GLIS3: variants seen among roughly 807,000 people sequenced by gnomAD.
GLIS3 encodes the protein GLIS family zinc finger 3.
GLIS3 carries 53 observed loss-of-function variants against 78.6 expected under a neutral mutation model. That is an observed-to-expected ratio of 0.67 (90% confidence interval 0.54 to 0.85). The LOEUF is 0.85. GLIS3 is among the 40% of genes least tolerant of loss of function. The pLI, the probability that GLIS3 is intolerant of heterozygous loss-of-function variation, is 0.00. For missense variants in GLIS3, 1,703 were observed against 1,231.1 expected (o/e 1.38, Z -5.74); for synonymous variants, 684 against 509.9 (o/e 1.34, Z -4.60).
chr9:4,389,232 G>C, the GLIS3 span, among the ~76,000 whole-genome samples: 1 of 152,204 alleles, frequency 6.6e-6, no homozygotes, highest in African/African-American at 2.4e-5. Flanking sequence ...AAAGGATAGA[G>C]ATGAGATTCA....
At chr9:4,283,473 C>T (rs140830720) in intron 2 of GLIS3, among the ~76,000 whole-genome samples, 1 of 152,092 alleles carries the variant, frequency 6.6e-6, no homozygotes, top group African/African-American at 2.4e-5. Context: ...ACCATCTTGG[C>T]CAGGCTGGCT....
intron 2 of GLIS3, among the ~76,000 whole-genome samples, chr9:4,338,383 C>CACAT (rs1817785692): frequency 7.9e-6 from 1 of 125,880 alleles, no homozygotes. Context: ...CACACACACA[C>CACAT]ACACATACAC....
rs138700917 is a variant in GLIS3, at chr9:3,829,336, G to T, written c.2630C>A (p.Ala877Asp). The T allele has an allele frequency of 3.7e-6, 6 of 1,614,034 alleles. No homozygotes were observed. Among genetic ancestry groups the T allele is most frequent in the South Asian group, 1.1e-5 (1 of 91,074 alleles). The change falls in exon 10 of 11, where the codon GCC (alanine) becomes GAC (aspartate). Residue 877 changes from alanine to aspartate, a missense_variant. Physicochemically the swap from Ala to Asp is moderately radical, Grantham distance 126 (BLOSUM62 -2). Transcript: ENST00000381971. The part of the protein sequence containing the change: ...GQASFDVFHR[A>D]FSTHSGITVY... ...TGTAATGCCCGAGTGAGTCGAGAAG[G>T]CTCTGTGGAAAACATCAAAACTGGC...
chr9:4,136,765 G>C (rs912672359), intron 2 of GLIS3, among the ~76,000 whole-genome samples: 1 of 152,294 alleles, frequency 6.6e-6, no homozygotes, highest in East Asian at 1.9e-4. Flanking sequence ...AGGAGAAAGG[G>C]AGAAGACAGA....
chr9:4,239,897 G>T (rs1484263156), intron 2 of GLIS3, among the ~76,000 whole-genome samples: 1 of 152,156 alleles, frequency 6.6e-6, no homozygotes, highest in Non-Finnish European at 1.5e-5. Flanking sequence ...TGTATCATTA[G>T]ACCTTTACAG....
At chr9:3,934,986 TAGAG>T (rs1825812712) in intron 5 of GLIS3, among the ~76,000 whole-genome samples, 1 of 152,018 alleles carries the variant, frequency 6.6e-6, no homozygotes, top group Non-Finnish European at 1.5e-5. Flanking sequence ...AAGATGCTAA[TAGAG>T]AGATTAATTA....
intron 2 of GLIS3, among the ~76,000 whole-genome samples, chr9:4,250,071 C>G (rs10974410): frequency 6.6e-6 from 1 of 151,856 alleles, no homozygotes; most frequent in Admixed American, 6.6e-5. Flanking sequence ...GATATTGGCC[C>G]GAAATTTTCT....
At chr9:4,333,714 G>C (rs1025333127) in intron 2 of GLIS3, among the ~76,000 whole-genome samples, 3 of 151,840 alleles carry the variant, frequency 2.0e-5, no homozygotes, top group South Asian at 4.2e-4. Flanking sequence ...GGCTCTAGAC[G>C]TAATTGTGAA....
At chr9:4,428,694 A>G in the GLIS3 span, among the ~76,000 whole-genome samples, 3 of 152,080 alleles carry the variant, frequency 2.0e-5, no homozygotes, top group Non-Finnish European at 4.4e-5. Context: ...ATAATTTAAC[A>G]TAGTATATAG....
chr9:4,174,507 A>G (rs1248055390), intron 2 of GLIS3, among the ~76,000 whole-genome samples: 1 of 152,246 alleles, frequency 6.6e-6, no homozygotes, highest in East Asian at 1.9e-4. Context: ...ATGATATCTT[A>G]GGATCATCAA....
chr9:4,477,300 T>C, the GLIS3 span, among the ~76,000 whole-genome samples: 47 of 140,548 alleles, frequency 3.3e-4, no homozygotes, highest in Non-Finnish European at 5.5e-4. Flanking sequence ...AAATTGAAAT[T>C]AGCCACTCAC....
the GLIS3 span, among the ~76,000 whole-genome samples, chr9:4,460,537 C>G: frequency 6.6e-6 from 1 of 152,078 alleles, no homozygotes; most frequent in African/African-American, 2.4e-5. Flanking sequence ...CTGGCTAGTG[C>G]AGGAAAAACA....
At chr9:4,389,215 A>G in the GLIS3 span, among the ~76,000 whole-genome samples, 2 of 152,350 alleles carry the variant, frequency 1.3e-5, no homozygotes, top group Non-Finnish European at 1.5e-5. Context: ...AAAGTTGCAC[A>G]TCTGACAAAG....
At chr9:4,146,144 C>T (rs1040084153) in intron 2 of GLIS3, among the ~76,000 whole-genome samples, 3 of 152,046 alleles carry the variant, frequency 2.0e-5, no homozygotes, top group Non-Finnish European at 4.4e-5. Context: ...TCATTTAGTG[C>T]AAGAAGCTAC....
chr9:4,431,870 TAGTA>T, the GLIS3 span, among the ~76,000 whole-genome samples: 3 of 143,868 alleles, frequency 2.1e-5, no homozygotes, highest in African/African-American at 7.7e-5. Flanking sequence ...AAAAGCCATA[TAGTA>T]AGTATTTTAG....
At chr9:4,472,770 A>G in the GLIS3 span, among the ~76,000 whole-genome samples, 1 of 152,164 alleles carries the variant, frequency 6.6e-6, no homozygotes, top group Non-Finnish European at 1.5e-5. Context: ...AAAAAGAACT[A>G]AAATTGTCGT....
At chr9:3,993,701 T>C (rs1820513304) in intron 4 of GLIS3, among the ~76,000 whole-genome samples, 1 of 152,214 alleles carries the variant, frequency 6.6e-6, no homozygotes, top group African/African-American at 2.4e-5. Flanking sequence ...ATTTTCCTCA[T>C]TACTAAATAT....
Position 4,293,573 on chromosome 9 carries a change from A to C in GLIS3, c.-99+5848T>G, listed in dbSNP as rs960709830. On this transcript the variant is annotated intron_variant, in intron 1 of 10. Transcript: ENST00000381971. ...GAAGTGGAATCTATCGGTCATGCTGAAAAGGTTGGGAAAACATTAATCCAT... is the reference window on the plus strand; with the variant it reads ...GAAGTGGAATCTATCGGTCATGCTGCAAAGGTTGGGAAAACATTAATCCAT... Among the ~76,000 whole-genome samples, 5 of 152,380 alleles carry C rather than the reference A, an allele frequency of 3.3e-5. No individual in the cohort carries two copies. In the East Asian group the frequency reaches 7.7e-4, roughly 23 times the overall value.
intron 4 of GLIS3, among the ~76,000 whole-genome samples, chr9:3,946,302 G>A (rs1224164245): frequency 6.6e-6 from 1 of 152,184 alleles, no homozygotes; most frequent in Non-Finnish European, 1.5e-5. Context: ...CATATACTTG[G>A]CAAGTGATTG....
Sources: allele counts gnomAD v4.1 joint callset (sites outside exome capture counted in the v4.1 genomes callset), GRCh38; gene constraint gnomAD v4.1.1; transcripts MANE v1.5; gene names NCBI Gene and HGNC (gene_info 2026-07-23, HGNC 2026-07-21).